MOK: variants seen among roughly 807,000 people sequenced by gnomAD.
The protein encoded by MOK is MOK protein kinase, also known as MAPK/MAK/MRK overlapping kinase.
MOK carries 59 observed loss-of-function variants against 54.2 expected under a neutral mutation model. The observed-to-expected ratio is 1.09, with a 90% CI of 0.88 to 1.35. The LOEUF (loss-of-function observed/expected upper bound fraction) is 1.35. Among genes scored for constraint, MOK ranks in the 40% most tolerant of loss-of-function variants. The pLI, the probability that MOK is intolerant of heterozygous loss-of-function variation, is 0.00. For missense variants in MOK, 517 were observed against 526.2 expected (o/e 0.98, Z 0.17); for synonymous variants, 210 against 202.7 (o/e 1.04, Z -0.31).
the MOK span, among the ~76,000 whole-genome samples, chr14:102,218,282 T>A: frequency 2.6e-5 from 4 of 152,184 alleles, no homozygotes; most frequent in Non-Finnish European, 4.4e-5. Context: ...CAGCCCACAC[T>A]CTCATCCACA....
At chr14:102,280,639 G>A (rs546563266) in intron 2 of MOK, 3 of 152,342 alleles carry the variant, frequency 2.0e-5, no homozygotes, top group Non-Finnish European at 4.4e-5. Flanking sequence ...CATTTGCCAT[G>A]TGTCCCACCT....
At chr14:102,302,285 C>G (rs1183463749) in intron 1 of MOK, among the ~76,000 whole-genome samples, 3 of 150,680 alleles carry the variant, frequency 2.0e-5, no homozygotes, top group African/African-American at 4.9e-5. Context: ...GTTGACCAGG[C>G]TGGTCTCGAA....
chr14:102,236,323 CG>C lies in MOK; in HGVS notation c.591-2535del, dbSNP rs915293761. Among the ~76,000 whole-genome samples the C allele has an allele frequency of 1.3e-4, 20 of 152,178 alleles. 1 individual carries two copies. ...AGCCGATCTCTTTTTAAATTGATAG[CG>C]GGGCCACCTACTCAGCTTTGCCTGA... is the stretch of plus-strand genomic sequence containing the variant. On this transcript the variant is annotated intron_variant, in intron 7 of 11. Coordinates refer to ENST00000361847, the MANE Select transcript of MOK (RefSeq NM_014226.3). This position sits in a 1 kb window ranked among gnomAD's most constrained non-coding sequence, Gnocchi z 4.5.
chr14:102,273,243 T>TA (rs1001971157), intron 2 of MOK, among the ~76,000 whole-genome samples: 2 of 119,346 alleles, frequency 1.7e-5, no homozygotes, highest in Admixed American at 8.4e-5. Context: ...TTTCTTTAAG[T>TA]AAAAAATCCT....
chr14:102,304,977 C>A lies in MOK; in HGVS notation c.-9G>T, dbSNP rs375887504. On this transcript the variant is annotated 5_prime_UTR_variant, in exon 1 of 12. Coordinates refer to ENST00000361847, the MANE Select transcript of MOK (RefSeq NM_014226.3). ...CCCCACTCACTCTTCATCTTGGATG[C>A]GGAAGCCGGTGACAACCCCTTGCCG... 1.9e-6 allele frequency: 3 copies of A among 1,609,380 alleles called. No individual in the cohort carries two copies. Among genetic ancestry groups the A allele is most frequent in the Non-Finnish European group, 2.5e-6 (3 of 1,178,444 alleles).
chr14:102,232,735 A>G lies in MOK; in HGVS notation c.693-27T>C, dbSNP rs1314408603. ...TGTATTAAAAACCCAATGATAATAA[A>G]TGGTCATGCTGTCACTGAGCGCACC... is the stretch of plus-strand genomic sequence containing the variant. On this transcript the variant is annotated intron_variant, in intron 8 of 11. Transcript: ENST00000361847. The surrounding 1 kb of genome is among the most constrained non-coding windows in gnomAD (Gnocchi z 5.1). 1.0e-5 allele frequency: 16 copies of G among 1,594,888 alleles called. No homozygotes were observed. Among genetic ancestry groups the G allele is most frequent in the Non-Finnish European group, 1.3e-5 (15 of 1,166,300 alleles).
chr14:102,271,580 A>G (rs968851396), intron 2 of MOK, among the ~76,000 whole-genome samples: 1 of 152,130 alleles, frequency 6.6e-6, no homozygotes, highest in Admixed American at 6.6e-5. Flanking sequence ...TTTTTTTAAG[A>G]CAGATTCTCG....
chr14:102,233,621 GGCTTGCCCTGCT>G, intron 8 of MOK, 55 bp downstream of exon 8: 1 of 1,399,454 alleles, frequency 7.1e-7, no homozygotes, highest in Non-Finnish European at 1.0e-6. Context: ...CACAGGGAGG[GGCTTGCCCTGCT>G]GCAGGTCCTA....
intron 4 of MOK, among the ~76,000 whole-genome samples, chr14:102,255,241 C>A (rs2066851381): frequency 6.6e-6 from 1 of 152,156 alleles, no homozygotes; most frequent in Non-Finnish European, 1.5e-5. Context: ...TGGTGTGAAC[C>A]TGGGAGGCGG....
intron 7 of MOK, among the ~76,000 whole-genome samples, chr14:102,242,637 T>G (rs2065807344): frequency 6.6e-6 from 1 of 152,196 alleles, no homozygotes; most frequent in Non-Finnish European, 1.5e-5. Context: ...GATTAAAGCC[T>G]GTTATCACTC....
chr14:102,222,053 C>T (rs1039011093), downstream of MOK, among the ~76,000 whole-genome samples: 7 of 152,190 alleles, frequency 4.6e-5, no homozygotes, highest in African/African-American at 1.4e-4. The surrounding 1 kb of genome is among the most constrained non-coding windows in gnomAD (Gnocchi z 4.4). Context: ...TACCCAAGGT[C>T]ACACCAGTAT....
At chr14:102,299,229 C>A (rs1051857363) in intron 1 of MOK, among the ~76,000 whole-genome samples, 6 of 152,148 alleles carry the variant, frequency 3.9e-5, no homozygotes, top group African/African-American at 1.4e-4. Context: ...AAAATTCTCT[C>A]TGGGCCGGAC....
chr14:102,228,411 A>G (rs1287528584), downstream of MOK, among the ~76,000 whole-genome samples: 2 of 152,088 alleles, frequency 1.3e-5, no homozygotes, highest in Non-Finnish European at 2.9e-5. Context: ...ATTAAGCCAC[A>G]CCAGGCCAGG....
chr14:102,240,072 G>C lies in MOK; in HGVS notation c.591-6283C>G, dbSNP rs2065586322. On this transcript the variant is annotated intron_variant, in intron 7 of 11. Coordinates refer to ENST00000361847, the MANE Select transcript of MOK (RefSeq NM_014226.3). The surrounding 1 kb of genome is among the most constrained non-coding windows in gnomAD (Gnocchi z 5.4). ...GCCTTAACTGATGACATTACCTTGTGAAATTCCTTCTCCTGGCTCAGAAGC... is the reference window on the plus strand; with the variant it reads ...GCCTTAACTGATGACATTACCTTGTCAAATTCCTTCTCCTGGCTCAGAAGC... Among the ~76,000 whole-genome samples, 1 of 152,116 alleles carries C rather than the reference G, an allele frequency of 6.6e-6. No homozygotes were observed. Among genetic ancestry groups the C allele is most frequent in the African/African-American group, 2.4e-5 (1 of 41,416 alleles).
At chr14:102,219,304 G>A in the MOK span, among the ~76,000 whole-genome samples, 2 of 152,240 alleles carry the variant, frequency 1.3e-5, no homozygotes, top group Non-Finnish European at 2.9e-5. Flanking sequence ...TCCATCTCCA[G>A]CAAGTGACAG....
intron 2 of MOK, among the ~76,000 whole-genome samples, chr14:102,282,844 G>A (rs1234517272): frequency 6.6e-6 from 1 of 152,108 alleles, no homozygotes; most frequent in Non-Finnish European, 1.5e-5. Context: ...TTGAGGCCAA[G>A]GAGTTCAAGA....
rs1473208651 is a variant in MOK at position 102,265,837 on chromosome 14, C to T, written c.198G>A (p.Leu66=). 1.2e-6 allele frequency: 2 copies of T among 1,613,498 alleles called. No homozygotes were observed. The highest frequency in any genetic ancestry group is 1.6e-4 in the Middle Eastern group (1 of 6,082). ...RLNPHPNILM[L]HEVVFDRKSG... ...AATATACTTACAAAACCACTTCATG[C>T]AACATAAGAATGTTTGGGTGCGGAT... Residue 66 remains leucine (L), a synonymous_variant, in exon 3 of 12, where the codon TTG becomes TTA. Transcript: ENST00000361847.
chr14:102,218,986 C>T, the MOK span, among the ~76,000 whole-genome samples: 1 of 152,186 alleles, frequency 6.6e-6, no homozygotes, highest in Non-Finnish European at 1.5e-5. Flanking sequence ...AGCAGAAGGA[C>T]AGGGTAAAAC....
intron 2 of MOK, among the ~76,000 whole-genome samples, chr14:102,274,776 A>C (rs2068698672): frequency 6.6e-6 from 1 of 151,232 alleles, no homozygotes. Context: ...AGAGTTTGAA[A>C]CCAGCCTGGC....
Sources: gnomAD v4.1 joint callset for allele counts (sites outside exome capture counted in the v4.1 genomes callset) on GRCh38, gnomAD v4.1.1 for gene constraint, Gnocchi (gnomAD v3.1) non-coding constraint, MANE v1.5 for transcripts, NCBI Gene and HGNC (gene_info 2026-07-23, HGNC 2026-07-21) for gene names.